Variants in CTNND2 observed in about 807,000 individuals in gnomAD.
CTNND2 encodes catenin delta-2.
In CTNND2, 22 loss-of-function variants were observed where a neutral mutation model predicts 144.4. That is an observed-to-expected ratio of 0.15 (90% CI 0.11 to 0.22). CTNND2 has a LOEUF of 0.22. CTNND2 is among the 10% of genes least tolerant of loss of function. The pLI, the probability that CTNND2 is intolerant of heterozygous loss-of-function variation, is 1.00. For missense variants in CTNND2, 1,353 were observed against 1,618.8 expected, an observed-to-expected ratio of 0.84 and a Z score of 2.82; for synonymous variants, 751 against 695.6, an observed-to-expected ratio of 1.08 and a Z score of -1.25.
In CTNND2 at chr5:11,662,188, TATATATGTGTATATATGTATATATATAC is replaced by T. The variant is rs1262882566; in HGVS notation, c.174+69920_174+69947del. Among the ~76,000 whole-genome samples the T allele has an allele frequency of 2.2e-3, 294 of 131,472 alleles. 6 individuals carry two copies. In the South Asian group the frequency reaches 0.026, roughly 12 times the overall value. The allele number at this position is 131,472 out of a possible 152,430, so 86.3% of individuals were successfully genotyped here. On this transcript the variant is annotated intron_variant, in intron 2 of 21. Transcript: ENST00000304623. ...ATATGTGTATATATACATATATGTGTATATATGTGTATATATGTATATATATACATATATGTGTATATATGTATATATA... is the reference window on the plus strand; with the variant it reads ...ATATGTGTATATATACATATATGTGTATATATGTGTATATATGTATATATA...
At chr5:11,242,305 G>A (rs958523041) in intron 9 of CTNND2, among the ~76,000 whole-genome samples, 1 of 152,106 alleles carries the variant, frequency 6.6e-6, no homozygotes, top group Non-Finnish European at 1.5e-5. Context: ...TACAGAAGAG[G>A]CAACTTAAGG....
chr5:11,763,243 T>A (rs1789382896), intron 1 of CTNND2, among the ~76,000 whole-genome samples: 1 of 152,186 alleles, frequency 6.6e-6, no homozygotes, highest in Non-Finnish European at 1.5e-5. Flanking sequence ...AATCCTCTTT[T>A]CTTTATAAAT....
At chr5:11,253,169 T>C (rs1185444103) in intron 9 of CTNND2, among the ~76,000 whole-genome samples, 1 of 152,160 alleles carries the variant, frequency 6.6e-6, no homozygotes, top group African/African-American at 2.4e-5. Flanking sequence ...ACACCTCTCC[T>C]TTTCTTTTCT....
At chr5:11,101,582 C>A (rs1468495929) in intron 14 of CTNND2, among the ~76,000 whole-genome samples, 1 of 152,144 alleles carries the variant, frequency 6.6e-6, no homozygotes. Flanking sequence ...AAGCAAGTGG[C>A]TTAATCTGTA....
intron 3 of CTNND2, among the ~76,000 whole-genome samples, chr5:11,440,641 A>C (rs1340717197): frequency 1.3e-5 from 2 of 152,236 alleles, no homozygotes; most frequent in Admixed American, 1.3e-4. Flanking sequence ...CTACTATTTG[A>C]AAATTCTCAT....
chr5:11,274,565 T>C (rs1015770895), intron 9 of CTNND2, among the ~76,000 whole-genome samples: 4 of 149,226 alleles, frequency 2.7e-5, no homozygotes, highest in African/African-American at 1.0e-4. Context: ...TCACAGAAAG[T>C]TGATTTTGCT....
intron 7 of CTNND2, among the ~76,000 whole-genome samples, chr5:11,371,052 T>C (rs1013475057): frequency 2.0e-5 from 3 of 152,246 alleles, no homozygotes; most frequent in African/African-American, 7.2e-5. Flanking sequence ...GGGTGGGGCC[T>C]GGACTAGATG....
chr5:11,498,833 G>T (rs1770245985), intron 3 of CTNND2, among the ~76,000 whole-genome samples: 2 of 152,194 alleles, frequency 1.3e-5, no homozygotes, highest in South Asian at 4.1e-4. Flanking sequence ...GGACGACAAT[G>T]AAGGTCATCT....
chr5:11,240,612 ACCC>A (rs1742268911), intron 9 of CTNND2, among the ~76,000 whole-genome samples: 1 of 126,642 alleles, frequency 7.9e-6, no homozygotes, highest in South Asian at 2.7e-4. Flanking sequence ...CAACACACAC[ACCC>A]CAACACAGAC....
chr5:11,465,669 AG>A (rs1766607661), intron 3 of CTNND2, among the ~76,000 whole-genome samples: 2 of 152,332 alleles, frequency 1.3e-5, no homozygotes, highest in Admixed American at 6.5e-5. Context: ...CCCTTCCAAA[AG>A]GGCACAGACC....
intron 2 of CTNND2, among the ~76,000 whole-genome samples, chr5:11,731,294 C>A (rs1176534311): frequency 6.6e-6 from 1 of 152,162 alleles, no homozygotes; most frequent in Admixed American, 6.6e-5. Context: ...TCCTCTAGAG[C>A]CCTTCTTCTT....
rs114311699 is a variant in CTNND2, at chr5:11,892,272, T to C, written c.37+11545A>G. Among the ~76,000 whole-genome samples the C allele has an allele frequency of 9.6e-3, 1,456 of 152,354 alleles. 29 individuals carry two copies. Among genetic ancestry groups the C allele is most frequent in the African/African-American group, 0.033 (1,382 of 41,578 alleles). On this transcript the variant is annotated intron_variant, in intron 1 of 21. Transcript: ENST00000304623. ...CAAAGAGTACATATAGCACCAGTGCTGATACTGGGATGAATAGCCTACCTT... is the reference window on the plus strand; with the variant it reads ...CAAAGAGTACATATAGCACCAGTGCCGATACTGGGATGAATAGCCTACCTT...
intron 9 of CTNND2, among the ~76,000 whole-genome samples, chr5:11,240,832 A>G (rs1323265403): frequency 9.2e-6 from 1 of 109,202 alleles, no homozygotes; most frequent in South Asian, 3.3e-4. Context: ...CAGCACACAC[A>G]CCCCCCAACA....
Position 11,646,448 on chromosome 5 carries a change from C to T in CTNND2, c.175-81392G>A, listed in dbSNP as rs147059453. Among the ~76,000 whole-genome samples, 1,167 of 152,254 alleles carry T rather than the reference C, an allele frequency of 7.7e-3. 34 individuals are homozygous for T. Among genetic ancestry groups the T allele is most frequent in the Admixed American group, 0.063 (966 of 15,284 alleles). Reference sequence around the variant, plus strand: ...CCAGAGCCTTTCACAATAATAGACACGGAAACACACATTCTCAAGGATGTG... The same window carrying T: ...CCAGAGCCTTTCACAATAATAGACATGGAAACACACATTCTCAAGGATGTG... On this transcript the variant is annotated intron_variant, in intron 2 of 21. Transcript: ENST00000304623.
intron 3 of CTNND2, among the ~76,000 whole-genome samples, chr5:11,507,863 C>T (rs1467810842): frequency 6.6e-6 from 1 of 152,032 alleles, no homozygotes; most frequent in Non-Finnish European, 1.5e-5. Context: ...ACCGTCCTGG[C>T]GAGGAGGTCC....
chr5:11,553,176 C>T (rs186250666), intron 3 of CTNND2, among the ~76,000 whole-genome samples: 3 of 152,274 alleles, frequency 2.0e-5, no homozygotes, highest in Admixed American at 2.0e-4. Context: ...TTTTTACTAT[C>T]ACACAATATT....
At chr5:11,438,998 GT>G (rs548987186) in intron 3 of CTNND2, among the ~76,000 whole-genome samples, 14 of 152,078 alleles carry the variant, frequency 9.2e-5, no homozygotes, top group African/African-American at 3.4e-4. Flanking sequence ...CCAAATGTTA[GT>G]TTTGAGATGT....
At chr5:11,467,499 C>A (rs746500843) in intron 3 of CTNND2, among the ~76,000 whole-genome samples, 2 of 152,174 alleles carry the variant, frequency 1.3e-5, no homozygotes, top group Non-Finnish European at 2.9e-5. Flanking sequence ...TGATTCTACA[C>A]AGAATATTCA....
At chr5:11,877,946 A>G (rs992993976) in intron 1 of CTNND2, among the ~76,000 whole-genome samples, 2 of 152,184 alleles carry the variant, frequency 1.3e-5, no homozygotes, top group African/African-American at 4.8e-5. Flanking sequence ...AGTACCAAAG[A>G]GCAGCATGCA....
Sources: gnomAD v4.1 joint callset for allele counts (sites outside exome capture counted in the v4.1 genomes callset) on GRCh38, gnomAD v4.1.1 for gene constraint, MANE v1.5 for transcripts, NCBI Gene and HGNC (gene_info 2026-07-23, HGNC 2026-07-21) for gene names.